Variants in ADK observed in about 807,000 individuals in gnomAD.
ADK encodes N6,N6-dimethyladenosine kinase.
Under a neutral mutation model 44.7 loss-of-function variants are expected in ADK, and 24 were observed. The observed-to-expected ratio is 0.54, with a 90% CI of 0.39 to 0.76. ADK has a LOEUF of 0.76. Among genes scored for constraint, ADK ranks in the 30% least tolerant of loss-of-function variants. ADK has a pLI of 0.00. For missense variants in ADK, 321 were observed against 425.1 expected (o/e 0.76, Z 2.15); for synonymous variants, 128 against 142.6 (o/e 0.90, Z 0.73).
intron 3 of ADK, among the ~76,000 whole-genome samples, chr10:74,286,528 C>T (rs532050811): frequency 2.6e-5 from 4 of 152,340 alleles, no homozygotes; most frequent in Admixed American, 1.3e-4. Context: ...CAGATTTACT[C>T]ATTTTACAAC....
chr10:74,548,276 T>C (rs984106048), intron 7 of ADK, among the ~76,000 whole-genome samples: 5 of 152,180 alleles, frequency 3.3e-5, no homozygotes, highest in Middle Eastern at 6.3e-3. Flanking sequence ...GTTGTAATTT[T>C]AATTTCTGAA....
chr10:74,285,330 TA>T (rs1472861327), intron 3 of ADK, among the ~76,000 whole-genome samples: 1 of 152,176 alleles, frequency 6.6e-6, no homozygotes, highest in Non-Finnish European at 1.5e-5. Context: ...GTGGCATGGT[TA>T]TATTTGTGAA....
chr10:74,242,667 T>A (rs558242368), intron 3 of ADK, among the ~76,000 whole-genome samples: 26 of 152,332 alleles, frequency 1.7e-4, no homozygotes, highest in South Asian at 6.2e-4. Context: ...TATTCCTGTT[T>A]GCCTGCACTG....
intron 10 of ADK, among the ~76,000 whole-genome samples, chr10:74,701,766 G>A (rs1448168101): frequency 6.6e-6 from 1 of 152,114 alleles, no homozygotes; most frequent in African/African-American, 2.4e-5. Flanking sequence ...CCAACATGGT[G>A]AAACCCTATC....
At chr10:74,360,582 G>GT (rs1842301995) in intron 4 of ADK, among the ~76,000 whole-genome samples, 1 of 151,384 alleles carries the variant, frequency 6.6e-6, no homozygotes, top group Non-Finnish European at 1.5e-5. Flanking sequence ...CTTTCCCTTT[G>GT]TATCTAATAA....
At chr10:74,265,572 G>A (rs909308253) in intron 3 of ADK, among the ~76,000 whole-genome samples, 2 of 151,846 alleles carry the variant, frequency 1.3e-5, no homozygotes, top group Non-Finnish European at 2.9e-5. Context: ...TTTCTGTGAT[G>A]ATATTTGAGA....
chr10:74,589,445 C>T, intron 8 of ADK, 128 bp downstream of exon 8: 1 of 966,298 alleles, frequency 1.0e-6, no homozygotes, highest in Admixed American at 1.9e-5. Flanking sequence ...GCCATGGAAA[C>T]TTGGCAGTCG....
At chr10:74,596,329 T>C (rs1171093861) in intron 8 of ADK, among the ~76,000 whole-genome samples, 1 of 152,182 alleles carries the variant, frequency 6.6e-6, no homozygotes, top group Non-Finnish European at 1.5e-5. Context: ...TAAAATGGCA[T>C]ATTGTATTAG....
chr10:74,221,371 G>A (rs1349861473), intron 2 of ADK, among the ~76,000 whole-genome samples: 3 of 150,096 alleles, frequency 2.0e-5, no homozygotes, highest in African/African-American at 7.3e-5. Context: ...AAATAAAAGA[G>A]GATACAAACA....
chr10:74,198,400 G>T (rs558336855), intron 1 of ADK, among the ~76,000 whole-genome samples: 3 of 152,276 alleles, frequency 2.0e-5, no homozygotes, highest in African/African-American at 7.2e-5. Context: ...AGCCATAGTT[G>T]CTCAATCTAT....
chr10:74,273,457 TTC>T (rs1404581740), intron 3 of ADK, among the ~76,000 whole-genome samples: 16 of 143,750 alleles, frequency 1.1e-4, no homozygotes, highest in African/African-American at 4.4e-4. Flanking sequence ...TCTCTTCTTC[TTC>T]TTTTTTTTTT....
chr10:74,314,075 T>C (rs1198266234), intron 3 of ADK, among the ~76,000 whole-genome samples: 1 of 152,088 alleles, frequency 6.6e-6, no homozygotes, highest in Non-Finnish European at 1.5e-5. Flanking sequence ...TTACAGGCAG[T>C]ACTGTTATAC....
rs183036011 is a variant in ADK at position 74,565,411 on chromosome 10, C to G, written c.727-23871C>G. Among the ~76,000 whole-genome samples the G allele has an allele frequency of 2.3e-3, 356 of 152,200 alleles. 2 individuals carry two copies. The highest frequency in any genetic ancestry group is 8.2e-3 in the African/African-American group (341 of 41,544). On this transcript the variant is annotated intron_variant, in intron 7 of 10. Coordinates refer to ENST00000539909, the MANE Select transcript of ADK (RefSeq NM_006721.4). ...TACTTATGATTTTTAAACAAGTTGT[C>G]ATATCAATAATAATAATAAAAAAAC... is the stretch of plus-strand genomic sequence containing the variant.
chr10:74,565,346 A>G (rs1027744846), intron 7 of ADK, among the ~76,000 whole-genome samples: 2 of 152,192 alleles, frequency 1.3e-5, no homozygotes, highest in African/African-American at 4.8e-5. Context: ...ACTTAATGAG[A>G]AAGTTAAAGA....
At chr10:74,153,470 T>G (rs1267755604) in intron 1 of ADK, among the ~76,000 whole-genome samples, 1 of 152,126 alleles carries the variant, frequency 6.6e-6, no homozygotes, top group Non-Finnish European at 1.5e-5. Context: ...TTCTCAAATA[T>G]CTATTATTTT....
At chr10:74,371,399 T>C (rs1842653355) in intron 4 of ADK, 2 of 594,138 alleles carry the variant, frequency 3.4e-6, no homozygotes, top group African/African-American at 1.9e-5. Context: ...CATGATCTTA[T>C]ATACCAAACA....
At chr10:74,577,194 G>T (rs191598992) in intron 7 of ADK, among the ~76,000 whole-genome samples, 3 of 148,078 alleles carry the variant, frequency 2.0e-5, no homozygotes, top group Admixed American at 6.7e-5. Context: ...TTTCAAGCAT[G>T]TTAGATTTTT....
At chr10:74,656,853 G>A (rs1302424231) in intron 9 of ADK, among the ~76,000 whole-genome samples, 2 of 152,108 alleles carry the variant, frequency 1.3e-5, no homozygotes, top group African/African-American at 4.8e-5. Context: ...TCTGTGTTTT[G>A]TGGTGTTTGT....
At chr10:74,633,885 GA>G (rs1853526506) in intron 9 of ADK, among the ~76,000 whole-genome samples, 1 of 152,206 alleles carries the variant, frequency 6.6e-6, no homozygotes, top group Non-Finnish European at 1.5e-5. Flanking sequence ...TTACTGGCTT[GA>G]AGATCCAGAG....
Sources: allele counts gnomAD v4.1 joint callset (sites outside exome capture counted in the v4.1 genomes callset), GRCh38; gene constraint gnomAD v4.1.1; transcripts MANE v1.5; gene names NCBI Gene and HGNC (gene_info 2026-07-23, HGNC 2026-07-21).